Variants in FAM20B observed in about 807,000 individuals in gnomAD.
FAM20B encodes FAM20B glycosaminoglycan xylosylkinase.
FAM20B carries 23 observed loss-of-function variants against 43.8 expected under a neutral mutation model. That is an observed-to-expected ratio of 0.53 (90% CI 0.38 to 0.74). The LOEUF is 0.74. FAM20B is among the 30% of genes least tolerant of loss of function. The probability of loss-of-function intolerance (pLI) is 0.00; values close to 1 mark genes in which losing one functional copy is unlikely to be tolerated. For synonymous variants in FAM20B, 178 were observed against 192.4 expected (o/e 0.93, Z 0.62); for missense variants, 440 against 510.5 (o/e 0.86, Z 1.33).
At chr1:179,046,323 A>G (rs911811404) in intron 2 of FAM20B, among the ~76,000 whole-genome samples, 1 of 152,238 alleles carries the variant, frequency 6.6e-6, no homozygotes, top group African/African-American at 2.4e-5. Flanking sequence ...AGAGTAATGG[A>G]AAAAGGCAAA....
At chr1:179,035,986 C>T (rs1302428732) in intron 1 of FAM20B, among the ~76,000 whole-genome samples, 6 of 151,984 alleles carry the variant, frequency 3.9e-5, no homozygotes, top group South Asian at 4.2e-4. Context: ...AAAAATTAGC[C>T]GGGTGTGATG....
intron 1 of FAM20B, among the ~76,000 whole-genome samples, chr1:179,036,948 G>A (rs950019716): frequency 1.3e-5 from 2 of 152,138 alleles, no homozygotes; most frequent in African/African-American, 4.8e-5. Flanking sequence ...GGAATTTTGA[G>A]GGACTACAGT....
At chr1:179,027,249 A>G (rs1055800181) in intron 1 of FAM20B, among the ~76,000 whole-genome samples, 10 of 152,330 alleles carry the variant, frequency 6.6e-5, no homozygotes, top group Non-Finnish European at 1.5e-4. Context: ...TTTGCGTTGT[A>G]AATTCTTGCA....
intron 7 of FAM20B, among the ~76,000 whole-genome samples, chr1:179,069,537 A>AT (rs1557880467): frequency 6.6e-6 from 1 of 151,746 alleles, no homozygotes; most frequent in Non-Finnish European, 1.5e-5. Context: ...CGCCCAGCTA[A>AT]TTTTTTGTAT....
intron 2 of FAM20B, among the ~76,000 whole-genome samples, chr1:179,047,306 TCCGTTCTTCC>T (rs367704234): frequency 1.4e-4 from 21 of 152,280 alleles, no homozygotes; most frequent in South Asian, 4.1e-4. Context: ...GGAAACCACT[TCCGTTCTTCC>T]CCGTTCTTCC....
chr1:179,044,104 C>T lies in FAM20B; in HGVS notation c.257C>T (p.Ala86Val). 6.2e-7 allele frequency: 1 copy of T among 1,614,086 alleles called. No homozygotes were observed. The highest frequency in any genetic ancestry group is 8.5e-7 in the Non-Finnish European group (1 of 1,180,028). The change falls in exon 2 of 8, where the codon GCA becomes GTA. Residue 86 changes from alanine (A) to valine (V), a missense_variant. By Grantham distance (64) the Ala-to-Val change is moderately conservative. Transcript: ENST00000263733. The stretch of plus-strand genomic sequence containing the variant: ...CCTGAAGAGACACCAGAGCTGGGGG[C>T]AGTCATGCATGCCATGGCCACCAAG... Reference protein sequence around the residue: ...VYPEETPELGAVMHAMATKKI... With the variant: ...VYPEETPELGVVMHAMATKKI...
At chr1:179,023,025 C>T (rs1649632766), upstream of FAM20B, among the ~76,000 whole-genome samples, 1 of 152,262 alleles carries the variant, frequency 6.6e-6, no homozygotes, top group African/African-American at 2.4e-5. Flanking sequence ...GCAAGTGAGC[C>T]CCTTAGGTTG....
intron 3 of FAM20B, 29 bp from the exon 4 acceptor site, chr1:179,054,500 C>T: frequency 1.4e-6 from 2 of 1,411,616 alleles, no homozygotes; most frequent in Admixed American, 1.7e-5. Flanking sequence ...TAAGATTTTT[C>T]TCTTCTGTTC....
intron 1 of FAM20B, among the ~76,000 whole-genome samples, chr1:179,028,235 C>T (rs188312863): frequency 7.2e-5 from 11 of 152,206 alleles, no homozygotes; most frequent in African/African-American, 2.6e-4. Flanking sequence ...TTGGTGATTG[C>T]CACAATCTCA....
chr1:179,055,000 T>C (rs766803115), intron 4 of FAM20B, among the ~76,000 whole-genome samples: 33 of 152,242 alleles, frequency 2.2e-4, no homozygotes, highest in Admixed American at 4.6e-4. Flanking sequence ...TTTTTACATA[T>C]ATAATATGTT....
chr1:179,035,583 A>T (rs899365880), intron 1 of FAM20B: 6 of 586,468 alleles, frequency 1.0e-5, no homozygotes, highest in Non-Finnish European at 1.9e-5. Flanking sequence ...GGCACAGTTC[A>T]TGCAGCGAAT....
intron 1 of FAM20B, chr1:179,035,313 G>A (rs963851044): frequency 1.4e-5 from 9 of 658,254 alleles, no homozygotes; most frequent in African/African-American, 3.6e-5. Context: ...CTCCTTACAC[G>A]GGCTTTGGTG....
chr1:179,057,598 C>T (rs1651281296), intron 4 of FAM20B, among the ~76,000 whole-genome samples: 1 of 152,164 alleles, frequency 6.6e-6, no homozygotes, highest in Non-Finnish European at 1.5e-5. Flanking sequence ...TAATGACTTT[C>T]CCAAAGTCAC....
At chr1:179,039,659 C>T (rs1449560407) in intron 1 of FAM20B, among the ~76,000 whole-genome samples, 1 of 152,190 alleles carries the variant, frequency 6.6e-6, no homozygotes, top group African/African-American at 2.4e-5. Flanking sequence ...AGATATGACA[C>T]GTCCAGGATC....
Position 179,054,625 on chromosome 1 carries a change from CT to C in FAM20B, c.563del (p.Phe188SerfsTer2). On this transcript the variant is annotated frameshift_variant, in exon 4 of 8. Coordinates refer to ENST00000263733, the MANE Select transcript of FAM20B (RefSeq NM_014864.4). LOFTEE classifies it high-confidence loss of function. The stretch of plus-strand genomic sequence containing the variant: ...TCGCCACAGAGCAGCTGTTGAGCAC[CT>C]TCCTAACTGTAGGTAAGAAGATTGT... ...PVATEQLLST[F>X]LTVGNNTCFY... 1 of 1,603,384 alleles carries C rather than the reference CT, an allele frequency of 6.2e-7. No homozygotes were observed. The highest frequency in any genetic ancestry group is 8.5e-7 in the Non-Finnish European group (1 of 1,171,006).
intron 3 of FAM20B, among the ~76,000 whole-genome samples, chr1:179,052,428 A>G (rs997300123): frequency 6.6e-6 from 1 of 152,228 alleles, no homozygotes; most frequent in African/African-American, 2.4e-5. Context: ...TATGCTGCTT[A>G]TGGCATTGTT....
chr1:179,071,118 A>T (rs4360490), intron 7 of FAM20B, among the ~76,000 whole-genome samples: 1 of 151,012 alleles, frequency 6.6e-6, no homozygotes. Context: ...CACGGTGAAA[A>T]CCCGTCTCTA....
intron 3 of FAM20B, among the ~76,000 whole-genome samples, chr1:179,052,218 CAT>C (rs371989832): frequency 3.7e-3 from 561 of 152,038 alleles, no homozygotes; most frequent in African/African-American, 0.012. Context: ...TTTATACAAA[CAT>C]ATGTATGTTA....
At position 179,027,784 on chromosome 1, in the gene FAM20B, C is replaced by T. The variant is rs1008051550; in HGVS notation, c.-134+1686C>T. Among the ~76,000 whole-genome samples the T allele has an allele frequency of 3.3e-5, 5 of 152,322 alleles. No homozygotes were observed. In the East Asian group the frequency reaches 9.6e-4, roughly 29 times the overall value. ...ATTCGTTTCTCTAGAACTGGTAGGA[C>T]AGTAGCTATGTTTTGGTGAATGAAT... On this transcript the variant is annotated intron_variant, in intron 1 of 7. Transcript: ENST00000263733.
Sources: gnomAD v4.1 joint callset for allele counts (sites outside exome capture counted in the v4.1 genomes callset) on GRCh38, gnomAD v4.1.1 for gene constraint, MANE v1.5 for transcripts, NCBI Gene and HGNC (gene_info 2026-07-23, HGNC 2026-07-21) for gene names.